CES4A: variants seen among roughly 807,000 people sequenced by gnomAD.
CES4A encodes the protein carboxylesterase 6.
Under a neutral mutation model 65.4 loss-of-function variants are expected in CES4A, and 48 were observed. The observed-to-expected ratio is 0.73, with a 90% CI of 0.58 to 0.93. The LOEUF is 0.93. Ranked by LOEUF, CES4A falls within the 40% of genes least tolerant of loss-of-function variation. The pLI is 0.00. For synonymous variants in CES4A, 247 were observed against 281.8 expected, an observed-to-expected ratio of 0.88 and a Z score of 1.24; for missense variants, 685 against 728.5, an observed-to-expected ratio of 0.94 and a Z score of 0.69.
At chr16:67,007,309 T>A (rs1965842390) in intron 13 of CES4A, 1 of 153,202 alleles carries the variant, frequency 6.5e-6, no homozygotes, top group South Asian at 2.0e-4. Context: ...AAAGTCTCGC[T>A]CTGTCACCCA....
Position 67,000,034 on chromosome 16 carries a change from A to G in CES4A, c.261-604A>G, listed in dbSNP as rs1169484166. Among the ~76,000 whole-genome samples the G allele has an allele frequency of 6.6e-6, 1 of 152,152 alleles. No homozygotes were observed. The highest frequency in any genetic ancestry group is 6.5e-5 in the Admixed American group (1 of 15,274). On this transcript the variant is annotated intron_variant, in intron 2 of 13. Coordinates refer to ENST00000648724, the Ensembl canonical transcript of CES4A. The surrounding 1 kb of genome is among the most constrained non-coding windows in gnomAD (Gnocchi z 4.2). ...ACTGGATGGAAAGGAGGGCCTGGGT[A>G]CTCCGCGTATCTTAACTTTATCCTG...
chr16:67,003,129 G>A lies in CES4A; in HGVS notation c.750G>A (p.Ala250=), dbSNP rs781591841. 5.6e-6 allele frequency: 9 copies of A among 1,614,028 alleles called. No individual in the cohort carries two copies. The Admixed American group carries it at 6.7e-5, about 12-fold the overall frequency. The change falls in exon 6 of 14, where the codon GCG becomes GCA. Residue 250 remains alanine, a synonymous_variant. Coordinates refer to ENST00000648724, the Ensembl canonical transcript of CES4A. This position sits in a 1 kb window ranked among gnomAD's most constrained non-coding sequence, Gnocchi z 4.2. Reference sequence around the variant, plus strand: ...GGGCCATTTCCCAGAGTGGCACCGCGTTATTCAGACTTTTCATCACTAGTA... The same window carrying A: ...GGGCCATTTCCCAGAGTGGCACCGCATTATTCAGACTTTTCATCACTAGTA...
intron 2 of CES4A, among the ~76,000 whole-genome samples, chr16:66,996,840 AC>A (rs1964895029): frequency 6.6e-6 from 1 of 151,942 alleles, no homozygotes. Context: ...GACTGCTTGA[AC>A]CCAGGAGTTC....
chr16:66,998,290 G>A (rs1476836255), intron 2 of CES4A, among the ~76,000 whole-genome samples: 1 of 152,098 alleles, frequency 6.6e-6, no homozygotes, highest in Non-Finnish European at 1.5e-5. Context: ...AAGGAAAGCT[G>A]TTCGAGAAAG....
At chr16:66,997,286 G>C (rs938889825) in intron 2 of CES4A, among the ~76,000 whole-genome samples, 4 of 152,158 alleles carry the variant, frequency 2.6e-5, no homozygotes, top group Non-Finnish European at 5.9e-5. Flanking sequence ...AGTGTTCACT[G>C]TATAGAAGTC....
chr16:67,004,347 A>C lies in CES4A; in HGVS notation c.1080+123A>C, dbSNP rs552078988. ...TCAGATGCCAGTAGCCCCTCTGTGGATGCCCTATGTTTGGGAGCCTCCTGT... is the reference window on the plus strand; with the variant it reads ...TCAGATGCCAGTAGCCCCTCTGTGGCTGCCCTATGTTTGGGAGCCTCCTGT... On this transcript the variant is annotated intron_variant, in intron 9 of 13. Coordinates refer to ENST00000648724, the Ensembl canonical transcript of CES4A. 75 of 1,083,442 alleles carry C rather than the reference A, an allele frequency of 6.9e-5. No homozygotes were observed. In the African/African-American group the frequency reaches 1.1e-3, roughly 16 times the overall value. 67.1% of individuals were successfully genotyped at this position (1,083,442 alleles called of 1,614,324 possible).
In CES4A at chr16:67,003,598, A is replaced by C; in HGVS notation, c.939+45A>C. ...CAATTTGAGTATTTATTTAACACCT[A>C]CTTTGTGCCAGGCACTTGGGATACT... On this transcript the variant is annotated intron_variant, in intron 8 of 13. Transcript: ENST00000648724. This position sits in a 1 kb window ranked among gnomAD's most constrained non-coding sequence, Gnocchi z 4.2. The C allele has an allele frequency of 1.3e-6, 2 of 1,506,374 alleles. No individual in the cohort carries two copies. Among genetic ancestry groups the C allele is most frequent in the East Asian group, 2.3e-5 (1 of 44,372 alleles). The allele number at this position is 1,506,374 out of a possible 1,614,324, so 93.3% of individuals were successfully genotyped here. A position where few individuals can be genotyped will look rare whatever the true frequency, so the allele number is the denominator to read the frequency against.
Position 66,988,670 on chromosome 16 carries a change from A to G in CES4A, c.-103A>G, listed in dbSNP as rs1176839998. On this transcript the variant is annotated 5_prime_UTR_variant, in exon 1 of 14. In the 5' UTR this introduces an upstream ATG that the reference lacks. Coordinates refer to ENST00000648724, the Ensembl canonical transcript of CES4A. ...TTGCTGGCAGGGATTAAGAGCAGAT[A>G]AAAGTGTGCTCACACACTGTAGACA... The G allele has an allele frequency of 1.9e-6, 3 of 1,538,784 alleles. No individual in the cohort carries two copies. The highest frequency in any genetic ancestry group is 1.7e-6 in the Non-Finnish European group (2 of 1,142,906).
chr16:66,992,143 T>G (rs1280224862), intron 1 of CES4A, among the ~76,000 whole-genome samples: 1 of 152,186 alleles, frequency 6.6e-6, no homozygotes, highest in East Asian at 1.9e-4. Context: ...TGCAGGCTGG[T>G]CACGGCCCCC....
At chr16:67,002,335 T>C (rs915104001) in intron 5 of CES4A, among the ~76,000 whole-genome samples, 6 of 152,098 alleles carry the variant, frequency 3.9e-5, no homozygotes, top group African/African-American at 1.4e-4. Flanking sequence ...TTTAGAGAGA[T>C]GGCTCAGCCT....
At chr16:67,004,154 A>C in exon 9 of CES4A, 1 of 1,614,148 alleles carries the variant, frequency 6.2e-7, no homozygotes, top group South Asian at 1.1e-5. Flanking sequence ...CTCCTGACCC[A>C]GGGGAAGGTT....
chr16:66,988,946 C>A (rs1265920678), intron 1 of CES4A, 116 bp downstream of exon 1: 1 of 1,244,490 alleles, frequency 8.0e-7, no homozygotes, highest in Non-Finnish European at 1.1e-6. Context: ...TAGACAAGGC[C>A]TGGGCAAATG....
downstream of CES4A, among the ~76,000 whole-genome samples, chr16:67,010,065 G>T (rs1174402409): frequency 2.0e-4 from 27 of 136,980 alleles, no homozygotes; most frequent in Non-Finnish European, 2.5e-4. Context: ...GTTTTGTGGG[G>T]TTTTTTTTTT....
chr16:67,009,524 CT>C (rs1321586710), exon 14 of CES4A: 5 of 173,794 alleles, frequency 2.9e-5, no homozygotes. Context: ...GCCACTGCCC[CT>C]GTCACTGCAC....
chr16:66,999,501 T>C (rs1005409030), intron 2 of CES4A, among the ~76,000 whole-genome samples: 3 of 152,186 alleles, frequency 2.0e-5, no homozygotes, highest in African/African-American at 7.2e-5. Flanking sequence ...AACCAGGACA[T>C]GGTCAACAGC....
At position 67,001,585 on chromosome 16, in the gene CES4A, C is replaced by G; in HGVS notation, c.690+124C>G. The G allele has an allele frequency of 1.7e-6, 2 of 1,168,144 alleles. No individual in the cohort carries two copies. The highest frequency in any genetic ancestry group is 1.6e-5 in the South Asian group (1 of 63,120). The allele number at this position is 1,168,144 out of a possible 1,614,324, so 72.4% of individuals were successfully genotyped here. ...CAGGAACGTGCCTGCCACAGAAATGCTCTCGCCCCTGCCAAGGGTACAGCC... is the reference window on the plus strand; with the variant it reads ...CAGGAACGTGCCTGCCACAGAAATGGTCTCGCCCCTGCCAAGGGTACAGCC... On this transcript the variant is annotated intron_variant, in intron 5 of 13. Coordinates refer to ENST00000648724, the Ensembl canonical transcript of CES4A. The surrounding 1 kb of genome is among the most constrained non-coding windows in gnomAD (Gnocchi z 4.1).
intron 12 of CES4A, 106 bp downstream of exon 12, chr16:67,006,625 T>C (rs1597099939): frequency 1.3e-6 from 2 of 1,531,778 alleles, no homozygotes; most frequent in Non-Finnish European, 1.8e-6. Flanking sequence ...CAGTTCCTAA[T>C]CTGTTATGCT....
At chr16:67,009,681 C>T (rs1597109158) in exon 14 of CES4A, 2 of 154,108 alleles carry the variant, frequency 1.3e-5, no homozygotes, top group African/African-American at 4.8e-5. Context: ...CCCCCAGGGC[C>T]ACTCCAAAGT....
chr16:66,999,844 G>A (rs907226128), intron 2 of CES4A, among the ~76,000 whole-genome samples: 1 of 152,196 alleles, frequency 6.6e-6, no homozygotes. Flanking sequence ...AGAAGAGGAA[G>A]TGACCAGGAG....
Sources: allele counts gnomAD v4.1 joint callset (sites outside exome capture counted in the v4.1 genomes callset), GRCh38; gene constraint gnomAD v4.1.1; non-coding constraint Gnocchi (gnomAD v3.1); transcripts MANE v1.5; gene names NCBI Gene and HGNC (gene_info 2026-07-23, HGNC 2026-07-21).